Variants in SNTG1 observed in about 807,000 individuals in gnomAD.
SNTG1 encodes syntrophin gamma 1.
Under a neutral mutation model 74.7 loss-of-function variants are expected in SNTG1, and 39 were observed. The ratio of observed to expected loss-of-function variants is 0.52; its 90% CI spans 0.40 to 0.68. The LOEUF is 0.68. Among genes scored for constraint, SNTG1 ranks in the 30% least tolerant of loss-of-function variants. The pLI, the probability that SNTG1 is intolerant of heterozygous loss-of-function variation, is 0.00. For synonymous variants in SNTG1, 254 were observed against 217.1 expected (o/e 1.17, Z -1.49); for missense variants, 685 against 609.5 (o/e 1.12, Z -1.30).
intron 16 of SNTG1, 70 bp downstream of exon 16, chr8:50,704,822 A>G: frequency 3.9e-6 from 6 of 1,536,090 alleles, no homozygotes; most frequent in Non-Finnish European, 4.5e-6. Context: ...GAGTTCTAAT[A>G]TCATTCCAAA....
intron 2 of SNTG1, among the ~76,000 whole-genome samples, chr8:50,311,839 A>G (rs546977770): frequency 6.6e-6 from 1 of 152,328 alleles, no homozygotes; most frequent in East Asian, 1.9e-4. Flanking sequence ...GTAATGTGAA[A>G]TATTCAATTA....
intron 8 of SNTG1, among the ~76,000 whole-genome samples, chr8:50,459,412 A>G (rs2093539182): frequency 6.6e-6 from 1 of 152,154 alleles, no homozygotes; most frequent in Non-Finnish European, 1.5e-5. Flanking sequence ...GAATCATCAT[A>G]AGAGAGGAGG....
intron 2 of SNTG1, among the ~76,000 whole-genome samples, chr8:50,315,314 A>T (rs1280078105): frequency 1.3e-5 from 2 of 149,744 alleles, no homozygotes; most frequent in Non-Finnish European, 2.9e-5. Context: ...CTAATGGGAG[A>T]TAATTTATAT....
chr8:50,106,714 CCTT>C (rs577500386), intron 1 of SNTG1, among the ~76,000 whole-genome samples: 30 of 152,226 alleles, frequency 2.0e-4, no homozygotes, highest in Non-Finnish European at 3.5e-4. Flanking sequence ...AATGCAGAAT[CCTT>C]CTTGCATTCT....
chr8:50,436,372 G>C (rs971782562), intron 4 of SNTG1, among the ~76,000 whole-genome samples: 7 of 152,028 alleles, frequency 4.6e-5, no homozygotes, highest in African/African-American at 1.7e-4. Flanking sequence ...TAGTCTTCCA[G>C]TATTTGAGTT....
At chr8:50,101,856 A>G (rs1485866134) in intron 1 of SNTG1, among the ~76,000 whole-genome samples, 2 of 151,940 alleles carry the variant, frequency 1.3e-5, no homozygotes, top group Non-Finnish European at 2.9e-5. Context: ...AAGATTTCCA[A>G]TTTCATCCAT....
chr8:50,219,768 G>T (rs1223744926), intron 2 of SNTG1, among the ~76,000 whole-genome samples: 1 of 152,104 alleles, frequency 6.6e-6, no homozygotes, highest in Admixed American at 6.6e-5. Context: ...TTGCAATTTG[G>T]CATGAGATTT....
At chr8:50,727,091 C>T (rs1367788660) in intron 17 of SNTG1, among the ~76,000 whole-genome samples, 2 of 151,718 alleles carry the variant, frequency 1.3e-5, no homozygotes, top group African/African-American at 2.4e-5. Flanking sequence ...ACTGTGAATA[C>T]GCAAGAGAGA....
intron 3 of SNTG1, among the ~76,000 whole-genome samples, chr8:50,401,912 A>G (rs532058911): frequency 3.5e-4 from 54 of 152,324 alleles, no homozygotes; most frequent in African/African-American, 1.3e-3. Flanking sequence ...GATTATAAGT[A>G]TTACAAAAAT....
chr8:50,461,040 C>T lies in SNTG1; in HGVS notation c.363+10311C>T, dbSNP rs141763413. Reference sequence around the variant, plus strand: ...CAGGATCCCATCAGAATACACATTGCATTTAGTAGTCATGTCTCTTCAGGG... The same window carrying T: ...CAGGATCCCATCAGAATACACATTGTATTTAGTAGTCATGTCTCTTCAGGG... On this transcript the variant is annotated intron_variant, in intron 8 of 18. Coordinates refer to ENST00000642720, the MANE Select transcript of SNTG1 (RefSeq NM_018967.5). Among the ~76,000 whole-genome samples, 1,106 of 151,820 alleles carry T rather than the reference C, an allele frequency of 7.3e-3. 3 individuals are homozygous for T. Among genetic ancestry groups the T allele is most frequent in the Non-Finnish European group, 0.012 (801 of 67,954 alleles).
At chr8:50,534,756 T>C (rs1200692421) in intron 10 of SNTG1, among the ~76,000 whole-genome samples, 2 of 152,112 alleles carry the variant, frequency 1.3e-5, no homozygotes, top group East Asian at 3.9e-4. Flanking sequence ...TTCTAAGTGA[T>C]AGAGTGAGAC....
intron 2 of SNTG1, among the ~76,000 whole-genome samples, chr8:50,336,229 G>C (rs2091137586): frequency 6.6e-6 from 1 of 152,170 alleles, no homozygotes; most frequent in Non-Finnish European, 1.5e-5. Context: ...GGAGACCATA[G>C]AGCATTCTCT....
At chr8:50,384,062 G>C (rs2092534337) in intron 2 of SNTG1, among the ~76,000 whole-genome samples, 1 of 152,170 alleles carries the variant, frequency 6.6e-6, no homozygotes, top group South Asian at 2.1e-4. Flanking sequence ...GTAATACTGA[G>C]AGGCACTACC....
At position 50,379,086 on chromosome 8, in the gene SNTG1, T is replaced by C. The variant is rs146520054; in HGVS notation, c.-27-15126T>C. Among the ~76,000 whole-genome samples the C allele has an allele frequency of 9.6e-4, 146 of 152,188 alleles. 3 individuals are homozygous for C. In the East Asian group the frequency reaches 0.019, roughly 20 times the overall value. On this transcript the variant is annotated intron_variant, in intron 2 of 18. Coordinates refer to ENST00000642720, the MANE Select transcript of SNTG1 (RefSeq NM_018967.5). ...GTACCAAGGGGCACCTGCAGGCTAG[T>C]GAAGAACTGCCCTCAACCCCACCTC...
intron 13 of SNTG1, among the ~76,000 whole-genome samples, chr8:50,622,044 A>T (rs900696451): frequency 6.6e-6 from 1 of 151,992 alleles, no homozygotes; most frequent in Admixed American, 6.6e-5. Context: ...GTGCTCTTCC[A>T]CCTGATATAT....
chr8:50,769,399 G>T (rs1323611299), intron 18 of SNTG1, among the ~76,000 whole-genome samples: 1 of 151,864 alleles, frequency 6.6e-6, no homozygotes, highest in Non-Finnish European at 1.5e-5. Context: ...GAATTTTAAA[G>T]TTGAAGACCT....
rs139364682 is a variant in SNTG1, at chr8:49,975,767, A to ATGTGTG, written c.-103+63537_-103+63538insGTGTGT. Among the ~76,000 whole-genome samples, 221 of 147,002 alleles carry ATGTGTG rather than the reference A, an allele frequency of 1.5e-3. 2 individuals are homozygous for ATGTGTG. Among genetic ancestry groups the ATGTGTG allele is most frequent in the South Asian group, 0.012 (54 of 4,494 alleles). ...CAAGACTCACAAAACATATATATATATATGTGTGTGTGTGTGTGTGTGTGT... is the reference window on the plus strand; with the variant it reads ...CAAGACTCACAAAACATATATATATATGTGTGTATGTGTGTGTGTGTGTGTGTGTGT... On this transcript the variant is annotated intron_variant, in intron 1 of 18. Transcript: ENST00000642720.
chr8:50,648,929 C>A (rs773862795), intron 13 of SNTG1, among the ~76,000 whole-genome samples: 6 of 152,102 alleles, frequency 3.9e-5, no homozygotes, highest in Non-Finnish European at 7.4e-5. Context: ...ACCATGAATG[C>A]ATTCCAAATA....
intron 1 of SNTG1, among the ~76,000 whole-genome samples, chr8:50,130,706 A>G (rs891357233): frequency 6.6e-6 from 1 of 152,130 alleles, no homozygotes; most frequent in Non-Finnish European, 1.5e-5. Flanking sequence ...GAGGAAGAAG[A>G]TAAAGGATCT....
Sources: allele counts gnomAD v4.1 joint callset (sites outside exome capture counted in the v4.1 genomes callset), GRCh38; gene constraint gnomAD v4.1.1; transcripts MANE v1.5; gene names NCBI Gene and HGNC (gene_info 2026-07-23, HGNC 2026-07-21).